The following CGGBP1 variants were observed in gnomAD, a reference collection of about 807,000 sequenced individuals.
CGGBP1 encodes the protein CGG triplet repeat-binding protein 1.
Under a neutral mutation model 11.4 loss-of-function variants are expected in CGGBP1, and 4 were observed. The observed-to-expected ratio is 0.35, with a 90% CI of 0.17 to 0.80. CGGBP1 has a LOEUF of 0.80. CGGBP1 is among the 30% of genes least tolerant of loss of function. The pLI, the probability that CGGBP1 is intolerant of heterozygous loss-of-function variation, is 0.52. For missense variants in CGGBP1, 135 were observed against 202.1 expected (o/e 0.67, Z 2.01); for synonymous variants, 76 against 74.1 (o/e 1.03, Z -0.13).
At chr3:88,119,121 A>G (rs1453682643) in intron 2 of CGGBP1, among the ~76,000 whole-genome samples, 3 of 148,738 alleles carry the variant, frequency 2.0e-5, no homozygotes, top group African/African-American at 7.5e-5. Context: ...AATAGCAAAG[A>G]CTTGGAACCA....
At chr3:88,129,942 A>G (rs1244466915) in intron 2 of CGGBP1, 1 of 963,080 alleles carries the variant, frequency 1.0e-6, no homozygotes, top group Admixed American at 3.3e-5. Context: ...TTAAAAAAAA[A>G]TTGATTGTGC....
intron 2 of CGGBP1, among the ~76,000 whole-genome samples, chr3:88,094,267 A>G (rs1703925395): frequency 6.6e-6 from 1 of 152,240 alleles, no homozygotes; most frequent in Non-Finnish European, 1.5e-5. Context: ...TGTATTGGCC[A>G]TCGTTAGAAA....
upstream of CGGBP1, among the ~76,000 whole-genome samples, chr3:88,063,494 A>G (rs375918868): frequency 3.9e-4 from 60 of 152,312 alleles, 1 homozygote; most frequent in South Asian, 3.7e-3. Flanking sequence ...TGTCTCAGGA[A>G]GAAACAATCC....
upstream of CGGBP1, chr3:88,059,340 C>G (rs2107569638): frequency 6.5e-7 from 1 of 1,534,668 alleles, no homozygotes; most frequent in East Asian, 2.4e-5. Flanking sequence ...AAGAGAGCGA[C>G]CAAGAGGCCG....
Position 88,095,601 on chromosome 3 carries a change from A to G in CGGBP1, c.-228-37378T>C, listed in dbSNP as rs563095531. On this transcript the variant is annotated intron_variant, in intron 2 of 3. Coordinates refer to the CGGBP1 transcript ENST00000462901. The stretch of plus-strand genomic sequence containing the variant: ...ATTGCCACAGGAATCTGTTGCCCCA[A>G]TGATCTTTTCTGGTTCTAGTCTTAT... The G allele has an allele frequency of 1.7e-4, 88 of 520,772 alleles. 1 individual carries two copies. Among genetic ancestry groups the G allele is most frequent in the South Asian group, 8.2e-4 (58 of 70,788 alleles). The allele number at this position is 520,772 out of a possible 1,614,324, so 32.3% of individuals were successfully genotyped here.
intron 2 of CGGBP1, among the ~76,000 whole-genome samples, chr3:88,126,579 CTTTT>C (rs144091813): frequency 3.7e-4 from 30 of 81,774 alleles, no homozygotes; most frequent in East Asian, 1.2e-3. Flanking sequence ...GTAGAAACAT[CTTTT>C]TTTTTTTTTT....
chr3:88,107,559 C>T (rs6787824), intron 2 of CGGBP1, among the ~76,000 whole-genome samples: 119,199 of 152,122 alleles, frequency 0.78, 47,622 homozygotes, highest in South Asian at 0.91. Flanking sequence ...GAAAAATTCT[C>T]GTCCAGTTAA....
intron 2 of CGGBP1, chr3:88,138,619 T>A: frequency 1.3e-6 from 1 of 780,764 alleles, no homozygotes; most frequent in East Asian, 3.4e-5. Flanking sequence ...AGCTTTCATT[T>A]TAAGAGTTGT....
chr3:88,086,534 C>CT, intron 2 of CGGBP1: 1 of 811,484 alleles, frequency 1.2e-6, no homozygotes, highest in Non-Finnish European at 1.8e-6. Flanking sequence ...ATTTTTTTCA[C>CT]TGAAGTATTC....
chr3:88,088,441 T>C (rs914241562), intron 2 of CGGBP1, among the ~76,000 whole-genome samples: 1 of 152,150 alleles, frequency 6.6e-6, no homozygotes, highest in Non-Finnish European at 1.5e-5. Flanking sequence ...AGAAGTTACG[T>C]ACAACATTAA....
rs1706566622 is a variant in CGGBP1 at position 88,057,218 on chromosome 3, T to C, written c.-51A>G. 6.6e-6 allele frequency: 1 copy of C among 152,216 alleles called. No individual in the cohort carries two copies. The highest frequency in any genetic ancestry group is 2.1e-4 in the South Asian group (1 of 4,834). The allele number at this position is 152,216 out of a possible 1,614,324, so 9.4% of individuals were successfully genotyped here. A position where few individuals can be genotyped will look rare whatever the true frequency, so the allele number is the denominator to read the frequency against. On this transcript the variant is annotated 5_prime_UTR_variant, in exon 3 of 4. Transcript: ENST00000482016. The stretch of plus-strand genomic sequence containing the variant: ...GAGAATAGCTGGGTAACATGAACTC[T>C]CTTTCAAAAGGACTTTAAATTGCCA...
At chr3:88,125,937 C>T (rs1379789971) in intron 2 of CGGBP1, among the ~76,000 whole-genome samples, 1 of 152,148 alleles carries the variant, frequency 6.6e-6, no homozygotes, top group Admixed American at 6.5e-5. Flanking sequence ...ACAGATACTG[C>T]TGTATAACCT....
intron 2 of CGGBP1, chr3:88,128,845 T>A: frequency 6.5e-7 from 1 of 1,535,532 alleles, no homozygotes; most frequent in Non-Finnish European, 8.7e-7. Context: ...CCACTGTTCT[T>A]TGAACTACGT....
chr3:88,118,033 A>G (rs907890888), intron 2 of CGGBP1, among the ~76,000 whole-genome samples: 3 of 152,118 alleles, frequency 2.0e-5, no homozygotes, highest in Non-Finnish European at 4.4e-5. Context: ...TTTTAATAAT[A>G]AGGGAAAAAA....
chr3:88,099,041 A>G (rs920111240), intron 2 of CGGBP1, among the ~76,000 whole-genome samples: 5 of 152,312 alleles, frequency 3.3e-5, no homozygotes, highest in African/African-American at 9.6e-5. Context: ...GAGGAAGTCA[A>G]ATTGTCCCTG....
chr3:88,096,371 G>C (rs947654397), intron 2 of CGGBP1, among the ~76,000 whole-genome samples: 1 of 152,088 alleles, frequency 6.6e-6, no homozygotes, highest in African/African-American at 2.4e-5. Context: ...ATTTGTGTGA[G>C]AGGGTACCTC....
chr3:88,067,037 C>G (rs1253508762), intron 2 of CGGBP1, among the ~76,000 whole-genome samples: 1 of 152,142 alleles, frequency 6.6e-6, no homozygotes, highest in Non-Finnish European at 1.5e-5. Context: ...TCTCTACTGT[C>G]AACTTTTCAA....
intron 2 of CGGBP1, among the ~76,000 whole-genome samples, chr3:88,087,353 G>A (rs1576240602): frequency 6.6e-6 from 1 of 152,208 alleles, no homozygotes; most frequent in East Asian, 1.9e-4. Context: ...GGGATTACAG[G>A]CGTGAGCTAC....
chr3:88,109,294 T>A (rs1367918371), intron 2 of CGGBP1, among the ~76,000 whole-genome samples: 2 of 152,104 alleles, frequency 1.3e-5, no homozygotes, highest in Non-Finnish European at 2.9e-5. Context: ...CACAATCAAA[T>A]GCTCTTTGTT....
Sources: allele counts gnomAD v4.1 joint callset (sites outside exome capture counted in the v4.1 genomes callset), GRCh38; gene constraint gnomAD v4.1.1; transcripts MANE v1.5; gene names NCBI Gene and HGNC (gene_info 2026-07-23, HGNC 2026-07-21).